Variants in UTRN observed in about 807,000 individuals in gnomAD.
The protein encoded by UTRN is utrophin, also known as dystrophin-related protein 1.
UTRN carries 283 observed loss-of-function variants against 463.9 expected under a neutral mutation model. The ratio of observed to expected loss-of-function variants is 0.61; its 90% CI spans 0.55 to 0.67. The LOEUF is 0.67. Among genes scored for constraint, UTRN ranks in the 30% least tolerant of loss-of-function variants. The pLI is 0.00. For synonymous variants in UTRN, 1,442 were observed against 1,431.5 expected (o/e 1.01, Z -0.17); for missense variants, 3,922 against 4,084.3 (o/e 0.96, Z 1.08).
intron 59 of UTRN, 56 bp downstream of exon 59, chr6:144,772,024 T>TG (rs1794101928): frequency 2.4e-6 from 2 of 841,314 alleles, no homozygotes; most frequent in Middle Eastern, 4.1e-4. Context: ...CGGTTTTTTT[T>TG]TTTTTTTTTT....
intron 50 of UTRN, among the ~76,000 whole-genome samples, chr6:144,575,522 G>A (rs962808882): frequency 2.6e-5 from 4 of 152,090 alleles, no homozygotes. Context: ...GCTTGCTGTG[G>A]TTTCAGTTAC....
chr6:144,506,475 G>A (rs1230903596), intron 34 of UTRN, among the ~76,000 whole-genome samples: 1 of 152,138 alleles, frequency 6.6e-6, no homozygotes. Context: ...GAATATCTCA[G>A]CATTTGCTTG....
At chr6:144,802,091 G>A (rs542668538) in intron 64 of UTRN, among the ~76,000 whole-genome samples, 1 of 152,288 alleles carries the variant, frequency 6.6e-6, no homozygotes, top group East Asian at 1.9e-4. Flanking sequence ...AGAGAGAATG[G>A]CTATCTGCCA....
rs11963481 is a variant in UTRN at position 144,827,965 on chromosome 6, A to G, written c.9599+289A>G. On this transcript the variant is annotated intron_variant, in intron 68 of 74. Coordinates refer to ENST00000367545, the MANE Select transcript of UTRN (RefSeq NM_007124.3). ...GATTTAGATGGTGTAACCAAGTTTC[A>G]GTAAATGAAAGTGGGATTGCAGGTA... is the stretch of plus-strand genomic sequence containing the variant. Among the ~76,000 whole-genome samples the G allele has an allele frequency of 8.8e-3, 1,343 of 152,300 alleles. 18 individuals carry two copies. Among genetic ancestry groups the G allele is most frequent in the African/African-American group, 0.031 (1,274 of 41,568 alleles).
intron 41 of UTRN, among the ~76,000 whole-genome samples, chr6:144,528,059 G>T: frequency 1.7e-5 from 2 of 115,666 alleles, no homozygotes; most frequent in Admixed American, 9.4e-5. Flanking sequence ...TTTTTGAGAT[G>T]GAGTCTTACT....
chr6:144,700,113 A>G lies in UTRN; in HGVS notation c.7679A>G (p.Lys2560Arg). 6.2e-7 allele frequency: 1 copy of G among 1,611,074 alleles called. No individual in the cohort carries two copies. The highest frequency in any genetic ancestry group is 8.5e-7 in the Non-Finnish European group (1 of 1,178,006). Residue 2560 changes from lysine (K) to arginine (R), a missense_variant, in exon 53 of 75, where the codon AAG becomes AGG. Lys to Arg is a conservative substitution (Grantham distance 26). Coordinates refer to ENST00000367545, the MANE Select transcript of UTRN (RefSeq NM_007124.3). The stretch of plus-strand genomic sequence containing the variant: ...GCCCATTTGGAGGCCAGCGCTGAGA[A>G]GTGGAACAGGTTGCTGATGTCCTTA... ...IRAHLEASAE[K>R]WNRLLMSLEE...
At chr6:144,475,921 C>A (rs1329983043) in intron 25 of UTRN, among the ~76,000 whole-genome samples, 1 of 151,246 alleles carries the variant, frequency 6.6e-6, no homozygotes, top group Non-Finnish European at 1.5e-5. Flanking sequence ...ATAAAAAATA[C>A]AAAAATTAGC....
chr6:144,416,404 G>A (rs1233731149), intron 3 of UTRN, among the ~76,000 whole-genome samples: 1 of 152,192 alleles, frequency 6.6e-6, no homozygotes, highest in Non-Finnish European at 1.5e-5. Context: ...AGCCTGCAGA[G>A]CCAGCTGATT....
chr6:144,335,901 C>T (rs1248827432), intron 2 of UTRN, among the ~76,000 whole-genome samples: 4 of 152,100 alleles, frequency 2.6e-5, no homozygotes, highest in African/African-American at 7.2e-5. Flanking sequence ...TTCATTGTCT[C>T]CTCACTCTTG....
intron 35 of UTRN, among the ~76,000 whole-genome samples, chr6:144,513,169 T>C (rs1435424305): frequency 6.6e-6 from 1 of 152,210 alleles, no homozygotes; most frequent in South Asian, 2.1e-4. Context: ...GAGGTAAGGA[T>C]ACAAAGGCAC....
chr6:144,293,404 C>T (rs1157937204), intron 2 of UTRN, among the ~76,000 whole-genome samples: 3 of 152,104 alleles, frequency 2.0e-5, no homozygotes, highest in Non-Finnish European at 4.4e-5. Context: ...AACATATAAA[C>T]TCCCAAACTA....
At chr6:144,819,907 T>TCCA (rs1562948979) in intron 65 of UTRN, among the ~76,000 whole-genome samples, 1 of 114,166 alleles carries the variant, frequency 8.8e-6, no homozygotes, top group Non-Finnish European at 1.8e-5. Context: ...CTCCTCCTCC[T>TCCA]CCTCCTCTCT....
intron 58 of UTRN, among the ~76,000 whole-genome samples, chr6:144,765,162 G>A (rs13215388): frequency 6.6e-6 from 1 of 152,116 alleles, no homozygotes; most frequent in African/African-American, 2.4e-5. Context: ...AAGCAATTTA[G>A]TACCCTCAAG....
At chr6:144,695,059 A>G (rs1025885007) in intron 52 of UTRN, among the ~76,000 whole-genome samples, 1 of 150,764 alleles carries the variant, frequency 6.6e-6, no homozygotes, top group Admixed American at 6.6e-5. Context: ...TCTGTATTTC[A>G]CATTATGCTT....
chr6:144,701,592 G>T (rs1784597573), intron 53 of UTRN, among the ~76,000 whole-genome samples: 1 of 151,928 alleles, frequency 6.6e-6, no homozygotes. Context: ...CCATTTTCTT[G>T]TATATACATA....
intron 2 of UTRN, among the ~76,000 whole-genome samples, chr6:144,315,371 T>C (rs1775215756): frequency 6.6e-6 from 1 of 152,066 alleles, no homozygotes. Context: ...AGTGGCAGTG[T>C]GGGCAGCACT....
intron 58 of UTRN, among the ~76,000 whole-genome samples, chr6:144,766,627 C>T (rs1453193420): frequency 6.6e-6 from 1 of 151,936 alleles, no homozygotes; most frequent in Non-Finnish European, 1.5e-5. Context: ...ATTATAGGAC[C>T]AGTTTGAGTG....
At chr6:144,715,103 A>C (rs186524564) in intron 53 of UTRN, among the ~76,000 whole-genome samples, 1 of 152,150 alleles carries the variant, frequency 6.6e-6, no homozygotes, top group Non-Finnish European at 1.5e-5. Context: ...TTTACATGTC[A>C]TCTCTACTTG....
intron 32 of UTRN, 27 bp downstream of exon 32, chr6:144,491,129 C>T (rs1160909928): frequency 6.4e-7 from 1 of 1,570,000 alleles, no homozygotes; most frequent in South Asian, 1.2e-5. Flanking sequence ...ATTGGCACAT[C>T]CAGTGGCTTT....
Sources: allele counts gnomAD v4.1 joint callset (sites outside exome capture counted in the v4.1 genomes callset), GRCh38; gene constraint gnomAD v4.1.1; transcripts MANE v1.5; gene names NCBI Gene and HGNC (gene_info 2026-07-23, HGNC 2026-07-21).